The following DSPP variants were observed in gnomAD, a reference collection of about 807,000 sequenced individuals.
The protein encoded by DSPP is dentin sialophosphoprotein.
A neutral mutation model predicts 29.1 loss-of-function variants in DSPP; 28 were observed. The observed-to-expected ratio is 0.96, with a 90% CI of 0.71 to 1.32. The LOEUF (loss-of-function observed/expected upper bound fraction) is 1.32, where lower values mean the gene tolerates loss of function less well. Among genes scored for constraint, DSPP ranks in the 40% most tolerant of loss-of-function variants. The pLI is 0.00. For missense variants in DSPP, 1,281 were observed against 1,629.9 expected, an observed-to-expected ratio of 0.79 and a Z score of 3.69; for synonymous variants, 481 against 503.4, an observed-to-expected ratio of 0.96 and a Z score of 0.60.
intron 2 of DSPP, among the ~76,000 whole-genome samples, chr4:87,611,293 G>A (rs1727731067): frequency 6.6e-6 from 1 of 152,104 alleles, no homozygotes; most frequent in Non-Finnish European, 1.5e-5. Context: ...TTAATGCCCA[G>A]AAGTCATGGA....
At position 87,612,431 on chromosome 4, in the gene DSPP, GC is replaced by G; in HGVS notation, c.246del (p.Ser83LeufsTer6). On this transcript the variant is annotated frameshift_variant, in exon 4 of 5. Coordinates refer to ENST00000651931, the MANE Select transcript of DSPP (RefSeq NM_014208.3). LOFTEE classifies it high-confidence loss of function. ...TQDGHKGEGNGSKWAEVGGKS... is the reference protein window; with the variant it reads ...TQDGHKGEGNXSKWAEVGGKS... The stretch of plus-strand genomic sequence containing the variant: ...GATGGTCACAAGGGAGAAGGGAATG[GC>G]TCTAAGTGGGCAGAAGTAGGAGGGA... The G allele has an allele frequency of 6.2e-7, 1 of 1,614,020 alleles. No homozygotes were observed. The highest frequency in any genetic ancestry group is 8.5e-7 in the Non-Finnish European group (1 of 1,179,952).
chr4:87,610,450 A>T (rs768296989), intron 1 of DSPP, among the ~76,000 whole-genome samples: 2 of 152,196 alleles, frequency 1.3e-5, no homozygotes, highest in Non-Finnish European at 2.9e-5. Flanking sequence ...CATGTTAGTA[A>T]TTTCTTTCTC....
At chr4:87,610,855 T>C in intron 1 of DSPP, 26 bp from the exon 2 acceptor site, 2 of 1,467,680 alleles carry the variant, frequency 1.4e-6, no homozygotes, top group South Asian at 1.1e-5. Context: ...TTATAAGTAA[T>C]TTTGTGCTGT....
Position 87,613,041 on chromosome 4 carries a change from T to C in DSPP, c.855T>C (p.His285=). The change falls in exon 4 of 5, where the codon CAT becomes CAC. Residue 285 remains histidine, a synonymous_variant. Coordinates refer to ENST00000651931, the MANE Select transcript of DSPP (RefSeq NM_014208.3). The part of the protein sequence containing the change: ...NNSKGQEGQD[H]GKEDDHDSSI... ...GCAAGGGCCAGGAGGGCCAGGACCA[T>C]GGGAAAGAAGATGATCATGATAGTA... The C allele has an allele frequency of 1.2e-6, 2 of 1,613,928 alleles. No individual in the cohort carries two copies. The highest frequency in any genetic ancestry group is 1.7e-6 in the Non-Finnish European group (2 of 1,179,978).
rs1727803746 is a variant in DSPP at position 87,614,243 on chromosome 4, T to C, written c.1581T>C (p.Asn527=). The C allele has an allele frequency of 5.0e-6, 8 of 1,614,216 alleles. No homozygotes were observed. The highest frequency in any genetic ancestry group is 6.8e-6 in the Non-Finnish European group (8 of 1,180,034). Residue 527 remains asparagine (N), a synonymous_variant, in exon 5 of 5, where the codon AAT becomes AAC. Transcript: ENST00000651931. ...STSDTNNSDS[N]GNGNNGNDDN... is the part of the protein sequence containing the mutation. ...CAGACACTAATAATAGTGACAGTAA[T>C]GGCAATGGTAACAATGGGAATGATG...
Position 87,610,927 on chromosome 4 carries a change from T to A in DSPP, c.19T>A (p.Phe7Ile), listed in dbSNP as rs778650282. Reference protein sequence around the residue: MKIITYFCIWAVAWAIP... With the variant: MKIITYICIWAVAWAIP... The stretch of plus-strand genomic sequence containing the variant: ...AAAGAAAATGAAGATAATTACATAT[T>A]TTTGCATTTGGGCAGTAGCATGGGC... Residue 7 changes from phenylalanine to isoleucine, a missense_variant, in exon 2 of 5, where the codon TTT (phenylalanine) becomes ATT (isoleucine). Around this residue, in one of 4 missense-constraint regions of DSPP, gnomAD observed 631 missense variants for 643.2 expected, o/e 0.98. Coordinates refer to ENST00000651931, the MANE Select transcript of DSPP (RefSeq NM_014208.3). 1 of 1,613,674 alleles carries A rather than the reference T, an allele frequency of 6.2e-7. No homozygotes were observed. The highest frequency in any genetic ancestry group is 1.1e-5 in the South Asian group (1 of 91,064).
At position 87,614,239 on chromosome 4, in the gene DSPP, G is replaced by A. The variant is rs201485801; in HGVS notation, c.1577G>A (p.Ser526Asn). 3.7e-5 allele frequency: 59 copies of A among 1,614,256 alleles called. No homozygotes were observed. In the East Asian group the frequency reaches 5.6e-4, roughly 15 times the overall value. Residue 526 changes from serine to asparagine, a missense_variant, in exon 5 of 5, where the codon AGT becomes AAT. This residue lies in a region of DSPP where 631 missense variants were observed against 643.2 expected (regional missense o/e 0.98). Coordinates refer to ENST00000651931, the MANE Select transcript of DSPP (RefSeq NM_014208.3). ...DSTSDTNNSD[S>N]NGNGNNGNDD... ...ACATCAGACACTAATAATAGTGACAGTAATGGCAATGGTAACAATGGGAAT... is the reference window on the plus strand; with the variant it reads ...ACATCAGACACTAATAATAGTGACAATAATGGCAATGGTAACAATGGGAAT...
chr4:87,616,770 T>A lies in DSPP; in HGVS notation c.*202T>A. The A allele has an allele frequency of 1.3e-6, 1 of 756,342 alleles. No homozygotes were observed. The highest frequency in any genetic ancestry group is 2.1e-6 in the Non-Finnish European group (1 of 472,066). The allele number at this position is 756,342 out of a possible 1,614,324, so 46.9% of individuals were successfully genotyped here. A position where few individuals can be genotyped will look rare whatever the true frequency, so the allele number is the denominator to read the frequency against. ...GAGACAGACTCTGAATGCATGACCT[T>A]TGGTACATGCCTGTTAATATTCATG... is the stretch of plus-strand genomic sequence containing the variant. On this transcript the variant is annotated 3_prime_UTR_variant, in exon 5 of 5. Coordinates refer to ENST00000651931, the MANE Select transcript of DSPP (RefSeq NM_014208.3).
chr4:87,612,303 T>C lies in DSPP; in HGVS notation c.136-19T>C. Reference sequence around the variant, plus strand: ...AAGATCATTGATACTTATAATTGATTGAATTGTTTCTTTTTCAGGATGAGT... The same window carrying C: ...AAGATCATTGATACTTATAATTGATCGAATTGTTTCTTTTTCAGGATGAGT... On this transcript the variant is annotated intron_variant, in intron 3 of 4. Coordinates refer to ENST00000651931, the MANE Select transcript of DSPP (RefSeq NM_014208.3). 1 of 1,613,676 alleles carries C rather than the reference T, an allele frequency of 6.2e-7. No homozygotes were observed. The highest frequency in any genetic ancestry group is 8.5e-7 in the Non-Finnish European group (1 of 1,179,772).
At position 87,613,052 on chromosome 4, in the gene DSPP, A is replaced by ATGAT; in HGVS notation, c.867_870dup (p.His291Ter). On this transcript the variant is annotated frameshift_variant, in exon 4 of 5. Coordinates refer to ENST00000651931, the MANE Select transcript of DSPP (RefSeq NM_014208.3). LOFTEE classifies it high-confidence loss of function. ...GAGGGCCAGGACCATGGGAAAGAAG[A>ATGAT]TGATCATGATAGTAGCATAGGTCAA... The ATGAT allele has an allele frequency of 6.2e-7, 1 of 1,614,170 alleles. No homozygotes were observed. The highest frequency in any genetic ancestry group is 8.5e-7 in the Non-Finnish European group (1 of 1,180,026).
chr4:87,614,170 A>G lies in DSPP; in HGVS notation c.1508A>G (p.Asn503Ser). 3 of 1,614,268 alleles carry G rather than the reference A, an allele frequency of 1.9e-6. No homozygotes were observed. Among genetic ancestry groups the G allele is most frequent in the Non-Finnish European group, 2.5e-6 (3 of 1,180,046 alleles). ...YNSDESKDNGNGSDSKGAEDD... is the reference protein window; with the variant it reads ...YNSDESKDNGSGSDSKGAEDD... The stretch of plus-strand genomic sequence containing the variant: ...TCTGATGAATCAAAAGATAATGGCA[A>G]TGGCAGTGACTCAAAAGGAGCAGAA... Residue 503 changes from asparagine (N) to serine (S), a missense_variant, in exon 5 of 5, where the codon AAT (asparagine) becomes AGT (serine). Asn to Ser is a conservative substitution (Grantham distance 46). Around this residue, in one of 4 missense-constraint regions of DSPP, gnomAD observed 631 missense variants for 643.2 expected, o/e 0.98. Coordinates refer to ENST00000651931, the MANE Select transcript of DSPP (RefSeq NM_014208.3).
Position 87,614,684 on chromosome 4 carries a change from C to CAGTGACAGCAGCAGTAGT in DSPP, c.2039_2040insTAGTGACAGCAGCAGTAG (p.Ser679_Ser684dup). ...GTGATAGTAGTGACAGCAGTGATAG[C>CAGTGACAGCAGCAGTAGT]AGTGACAGCAGCAGTAGCAGTGACA... On this transcript the variant is annotated inframe_insertion, in exon 5 of 5. Coordinates refer to ENST00000651931, the MANE Select transcript of DSPP (RefSeq NM_014208.3). 6.5e-7 allele frequency: 1 copy of CAGTGACAGCAGCAGTAGT among 1,544,382 alleles called. No individual in the cohort carries two copies. Among genetic ancestry groups the CAGTGACAGCAGCAGTAGT allele is most frequent in the East Asian group, 2.5e-5 (1 of 40,710 alleles).
Position 87,615,595 on chromosome 4 carries a change from ACAG to A in DSPP, c.2939_2941del (p.Ser980del), listed in dbSNP as rs1727872983. The A allele has an allele frequency of 6.5e-7, 1 of 1,549,900 alleles. No homozygotes were observed. The highest frequency in any genetic ancestry group is 1.4e-5 in the African/African-American group (1 of 72,250). ...GATAGCAATAGCAGCGACAGCAGTG[ACAG>A]CAGCAACAGCAGCGATAGCAGTGAC... On this transcript the variant is annotated inframe_deletion, in exon 5 of 5. Transcript: ENST00000651931.
intron 2 of DSPP, 142 bp downstream of exon 2, chr4:87,611,101 GT>G: frequency 1.2e-6 from 1 of 855,592 alleles, no homozygotes; most frequent in Non-Finnish European, 1.9e-6. Flanking sequence ...GTGTATATAT[GT>G]TTCCTTAATT....
chr4:87,614,665 G>A lies in DSPP; in HGVS notation c.2003G>A (p.Ser668Asn). 2.6e-6 allele frequency: 4 copies of A among 1,527,046 alleles called. No individual in the cohort carries two copies. Among genetic ancestry groups the A allele is most frequent in the Non-Finnish European group, 3.5e-6 (4 of 1,126,834 alleles). 94.6% of individuals were successfully genotyped at this position (1,527,046 alleles called of 1,614,324 possible). ...DSSNSSNSSD[S>N]SDSSDSSDSS... ...AGCAATAGCAGTAACAGCAGTGATA[G>A]TAGTGACAGCAGTGATAGCAGTGAC... The change falls in exon 5 of 5, where the codon AGT (serine) becomes AAT (asparagine). Residue 668 changes from serine (S) to asparagine (N), a missense_variant. Coordinates refer to ENST00000651931, the MANE Select transcript of DSPP (RefSeq NM_014208.3).
rs1727798467 is a variant in DSPP, at chr4:87,614,053, A to G, written c.1391A>G (p.Asp464Gly). The stretch of plus-strand genomic sequence containing the variant: ...GATGATAAGTCCATGCAAGGAGATG[A>G]TCCCAATAGCAGTGATGAATCTAAT... ...DFDDKSMQGD[D>G]PNSSDESNGN... is the part of the protein sequence containing the mutation. The change falls in exon 5 of 5, where the codon GAT (aspartate) becomes GGT (glycine). Residue 464 changes from aspartate to glycine, a missense_variant. Physicochemically the swap from Asp to Gly is moderately conservative, Grantham distance 94. Around this residue, in one of 4 missense-constraint regions of DSPP, gnomAD observed 631 missense variants for 643.2 expected, o/e 0.98. Coordinates refer to ENST00000651931, the MANE Select transcript of DSPP (RefSeq NM_014208.3). 4 of 1,614,268 alleles carry G rather than the reference A, an allele frequency of 2.5e-6. No individual in the cohort carries two copies. Among genetic ancestry groups the G allele is most frequent in the South Asian group, 1.1e-5 (1 of 91,090 alleles).
rs1727806196 is a variant in DSPP at position 87,614,326 on chromosome 4, G to A, written c.1664G>A (p.Ser555Asn). 1 of 1,611,640 alleles carries A rather than the reference G, an allele frequency of 6.2e-7. No individual in the cohort carries two copies. Among genetic ancestry groups the A allele is most frequent in the Non-Finnish European group, 8.5e-7 (1 of 1,178,552 alleles). Reference sequence around the variant, plus strand: ...TCAGATAGCAGTGACAGTGATAGTAGTGATAGCAGCAATAGCAGTGATAGT... The same window carrying A: ...TCAGATAGCAGTGACAGTGATAGTAATGATAGCAGCAATAGCAGTGATAGT... Reference protein sequence around the residue: ...GKSDSSDSDSSDSSNSSDSSD... With the variant: ...GKSDSSDSDSNDSSNSSDSSD... Residue 555 changes from serine (S) to asparagine (N), a missense_variant, in exon 5 of 5, where the codon AGT (serine) becomes AAT (asparagine). Around this residue, in one of 4 missense-constraint regions of DSPP, gnomAD observed 444 missense variants for 611.4 expected, o/e 0.73. Transcript: ENST00000651931.
rs201110163 is a variant in DSPP, at chr4:87,613,259, G to A, written c.1073G>A (p.Arg358Lys). The A allele has an allele frequency of 1.2e-4, 186 of 1,613,750 alleles. No individual in the cohort carries two copies. The African/African-American group carries it at 2.1e-3, about 18-fold the overall frequency. ...AGAGAAAGCAAACGCGTAGAAAATA[G>A]AATCACCAAAGAATCAGAGACACAT... is the stretch of plus-strand genomic sequence containing the variant. ...NHRESKRVENRITKESETHAV... is the reference protein window; with the variant it reads ...NHRESKRVENKITKESETHAV... Residue 358 changes from arginine to lysine, a missense_variant, in exon 4 of 5, where the codon AGA becomes AAA. Physicochemically the swap from Arg to Lys is conservative, Grantham distance 26. This residue lies in a region of DSPP where 631 missense variants were observed against 643.2 expected (regional missense o/e 0.98). Coordinates refer to ENST00000651931, the MANE Select transcript of DSPP (RefSeq NM_014208.3).
rs199683760 is a variant in DSPP, at chr4:87,612,554, G to A, written c.368G>A (p.Gly123Glu). The change falls in exon 4 of 5, where the codon GGA becomes GAA. Residue 123 changes from glycine (G) to glutamate (E), a missense_variant. By Grantham distance (98) the Gly-to-Glu change is moderately conservative. Around this residue, in one of 4 missense-constraint regions of DSPP, gnomAD observed 631 missense variants for 643.2 expected, o/e 0.98. Transcript: ENST00000651931. The part of the protein sequence containing the change: ...TGKAETYGHD[G>E]IHGKEENITA... ...AAAGCAGAAACATATGGTCATGATG[G>A]AATACATGGGAAAGAAGAAAACATC... The A allele has an allele frequency of 1.9e-6, 3 of 1,614,102 alleles. No individual in the cohort carries two copies. The highest frequency in any genetic ancestry group is 2.5e-6 in the Non-Finnish European group (3 of 1,179,990).
Sources: gnomAD v4.1 joint callset for allele counts (sites outside exome capture counted in the v4.1 genomes callset) on GRCh38, gnomAD v4.1.1 for gene constraint, gnomAD v4.1.1 regional missense constraint, MANE v1.5 for transcripts, NCBI Gene and HGNC (gene_info 2026-07-23, HGNC 2026-07-21) for gene names.